Variants in GALNTL6 observed in about 807,000 individuals in gnomAD.
GALNTL6 encodes polypeptide N-acetylgalactosaminyltransferase-like 6.
In GALNTL6, 46 loss-of-function variants were observed where a neutral mutation model predicts 73.7. The ratio of observed to expected loss-of-function variants is 0.62; its 90% CI spans 0.49 to 0.80. The LOEUF (loss-of-function observed/expected upper bound fraction) is 0.80. GALNTL6 is among the 30% of genes least tolerant of loss of function. GALNTL6 has a pLI of 0.00. For missense variants in GALNTL6, 604 were observed against 755.0 expected (o/e 0.80, Z 2.34); for synonymous variants, 259 against 263.7 (o/e 0.98, Z 0.17).
At chr4:172,069,536 TTA>T (rs1553989762) in intron 2 of GALNTL6, among the ~76,000 whole-genome samples, 2,561 of 18,894 alleles carry the variant, frequency 0.14, 846 homozygotes, top group African/African-American at 0.23. Flanking sequence ...AACACATATA[TTA>T]TATATAACAC....
intron 5 of GALNTL6, among the ~76,000 whole-genome samples, chr4:172,355,112 T>C (rs1742104330): frequency 6.6e-6 from 1 of 152,038 alleles, no homozygotes; most frequent in Non-Finnish European, 1.5e-5. Flanking sequence ...AATTGCATTA[T>C]GGATTAGCTT....
At chr4:172,395,471 G>T (rs1282794227) in intron 5 of GALNTL6, among the ~76,000 whole-genome samples, 1 of 151,952 alleles carries the variant, frequency 6.6e-6, no homozygotes, top group East Asian at 1.9e-4. Flanking sequence ...GTTACCTTGT[G>T]ACCTTTAGAC....
chr4:172,561,598 C>A (rs1271618465), intron 5 of GALNTL6, among the ~76,000 whole-genome samples: 1 of 152,198 alleles, frequency 6.6e-6, no homozygotes, highest in East Asian at 1.9e-4. Context: ...TCCAGACAGC[C>A]TGGCTGTGAC....
chr4:172,462,098 G>A (rs965217132), intron 5 of GALNTL6, among the ~76,000 whole-genome samples: 1 of 152,162 alleles, frequency 6.6e-6, no homozygotes, highest in Non-Finnish European at 1.5e-5. Flanking sequence ...TTCAGGCTCA[G>A]AGGAGGACTT....
intron 2 of GALNTL6, among the ~76,000 whole-genome samples, chr4:171,863,547 C>T (rs902900956): frequency 6.6e-6 from 1 of 152,018 alleles, no homozygotes; most frequent in Non-Finnish European, 1.5e-5. Context: ...TCTTGGTGAT[C>T]TATTTCATCT....
At chr4:172,067,348 C>T (rs1560908624) in intron 2 of GALNTL6, among the ~76,000 whole-genome samples, 1 of 152,028 alleles carries the variant, frequency 6.6e-6, no homozygotes, top group Non-Finnish European at 1.5e-5. Context: ...CTTTCCTTCA[C>T]TTTACTTCTT....
intron 2 of GALNTL6, among the ~76,000 whole-genome samples, chr4:171,855,818 T>C (rs961906846): frequency 4.6e-5 from 7 of 152,318 alleles, no homozygotes; most frequent in Admixed American, 3.9e-4. Flanking sequence ...GGTAGGTAGC[T>C]ATATCTCATT....
rs955381129 is a variant in GALNTL6, at chr4:172,723,563, C to CT, written c.554-85789dup. Among the ~76,000 whole-genome samples the CT allele has an allele frequency of 1.9e-3, 287 of 151,634 alleles. 3 individuals carry two copies. The highest frequency in any genetic ancestry group is 6.2e-3 in the African/African-American group (258 of 41,384). On this transcript the variant is annotated intron_variant, in intron 5 of 12. Transcript: ENST00000506823. ...TCTTTTTTTATACTGTCCTAGCACA[C>CT]TTTTTTTTTCTGATTACTTAGTTTG...
chr4:172,828,249 G>A (rs1368428854), intron 7 of GALNTL6, among the ~76,000 whole-genome samples: 1 of 145,136 alleles, frequency 6.9e-6, no homozygotes, highest in African/African-American at 2.6e-5. Flanking sequence ...TCTAGCCTGG[G>A]TGACAGAGCA....
chr4:171,814,897 C>T, intron 2 of GALNTL6, 179 bp downstream of exon 2: 1 of 612,344 alleles, frequency 1.6e-6, no homozygotes, highest in Non-Finnish European at 2.9e-6. Context: ...AAGATTGCAG[C>T]CAGTAACATC....
intron 2 of GALNTL6, among the ~76,000 whole-genome samples, chr4:172,158,682 A>G (rs1189742310): frequency 1.3e-5 from 2 of 152,200 alleles, no homozygotes; most frequent in African/African-American, 2.4e-5. Flanking sequence ...GTCCATTTAT[A>G]TAATAGAATT....
chr4:172,015,587 G>C (rs1289365712), intron 2 of GALNTL6, among the ~76,000 whole-genome samples: 1 of 152,000 alleles, frequency 6.6e-6, no homozygotes, highest in Non-Finnish European at 1.5e-5. Context: ...TGTTAATCAT[G>C]TTACTTGTTG....
chr4:172,244,596 G>T (rs1241039878), intron 3 of GALNTL6, among the ~76,000 whole-genome samples: 2 of 152,000 alleles, frequency 1.3e-5, no homozygotes, highest in Non-Finnish European at 2.9e-5. Context: ...TAAACTTCCT[G>T]GGCTTTAGTG....
At chr4:172,226,333 C>T (rs945695348) in intron 2 of GALNTL6, among the ~76,000 whole-genome samples, 9 of 152,078 alleles carry the variant, frequency 5.9e-5, no homozygotes, top group Non-Finnish European at 1.3e-4. Flanking sequence ...CTCCAGTATA[C>T]TTATGTTAGT....
rs190066129 is a variant in GALNTL6 at position 172,597,518 on chromosome 4, C to G, written c.554-211843C>G. 1.2e-4 allele frequency among the ~76,000 whole-genome samples: 18 copies of G among 152,174 alleles called. No individual in the cohort carries two copies. The East Asian group carries it at 3.5e-3, about 29-fold the overall frequency. ...TGCTTTGCCATATGTAGAAAAGAGT[C>G]TACATTATTTTGCTGTGGGGAGAGG... On this transcript the variant is annotated intron_variant, in intron 5 of 12. Coordinates refer to ENST00000506823, the MANE Select transcript of GALNTL6 (RefSeq NM_001034845.3).
chr4:172,129,517 G>A (rs988485812), intron 2 of GALNTL6, among the ~76,000 whole-genome samples: 5 of 152,070 alleles, frequency 3.3e-5, no homozygotes, highest in Non-Finnish European at 7.4e-5. Flanking sequence ...AATGTTGGGC[G>A]TTTATTCCTT....
At chr4:173,006,569 C>T (rs868645854) in intron 10 of GALNTL6, among the ~76,000 whole-genome samples, 4 of 152,188 alleles carry the variant, frequency 2.6e-5, no homozygotes, top group Non-Finnish European at 4.4e-5. Flanking sequence ...CTTGGCTTCA[C>T]AAATTCTAGA....
At chr4:172,909,397 G>A (rs1292595212) in intron 8 of GALNTL6, among the ~76,000 whole-genome samples, 1 of 150,142 alleles carries the variant, frequency 6.7e-6, no homozygotes, top group Non-Finnish European at 1.5e-5. Context: ...ATGACAATCT[G>A]GGAAAAATTA....
chr4:172,379,900 C>T (rs2111279565), intron 5 of GALNTL6: 1 of 539,582 alleles, frequency 1.9e-6, no homozygotes, highest in East Asian at 3.7e-5. Flanking sequence ...ATTTAATCAC[C>T]AAAGGACTGA....
Sources: allele counts gnomAD v4.1 joint callset (sites outside exome capture counted in the v4.1 genomes callset), GRCh38; gene constraint gnomAD v4.1.1; transcripts MANE v1.5; gene names NCBI Gene and HGNC (gene_info 2026-07-23, HGNC 2026-07-21).